The following CACNG3 variants were observed in gnomAD, a reference collection of about 807,000 sequenced individuals.
The protein encoded by CACNG3 is voltage-dependent calcium channel gamma-3 subunit.
A neutral mutation model predicts 28.5 loss-of-function variants in CACNG3; 3 were observed. That is an observed-to-expected ratio of 0.11 (90% confidence interval 0.05 to 0.27). CACNG3 has a LOEUF of 0.27. Among genes scored for constraint, CACNG3 ranks in the 10% least tolerant of loss-of-function variants. The pLI is 1.00. For synonymous variants in CACNG3, 174 were observed against 162.2 expected (o/e 1.07, Z -0.55); for missense variants, 236 against 414.4 (o/e 0.57, Z 3.74).
chr16:24,351,481 A>T (rs1428848912), intron 2 of CACNG3, among the ~76,000 whole-genome samples: 1 of 151,642 alleles, frequency 6.6e-6, no homozygotes, highest in Non-Finnish European at 1.5e-5. Context: ...CTGAGACAGG[A>T]GAATTGCTTG....
At chr16:24,351,388 A>T (rs1899936262) in intron 2 of CACNG3, among the ~76,000 whole-genome samples, 1 of 151,918 alleles carries the variant, frequency 6.6e-6, no homozygotes, top group South Asian at 2.1e-4. Flanking sequence ...CCAGACCAAT[A>T]TGGTGAAACC....
intron 1 of CACNG3, among the ~76,000 whole-genome samples, chr16:24,270,505 G>A (rs1007112801): frequency 6.6e-6 from 1 of 152,228 alleles, no homozygotes; most frequent in Non-Finnish European, 1.5e-5. Flanking sequence ...TGAGCCAGAG[G>A]TCTGCTGCGC....
In CACNG3 at chr16:24,346,736, G is replaced by A; in HGVS notation, c.214G>A (p.Ala72Thr). 1 of 1,613,588 alleles carries A rather than the reference G, an allele frequency of 6.2e-7. No homozygotes were observed. The highest frequency in any genetic ancestry group is 8.5e-7 in the Non-Finnish European group (1 of 1,179,498). Reference sequence around the variant, plus strand: ...AGAACCCTTATCTGTTTCCACAGGGGCTTTCCGAGGCGTGTGCAAGAAAAT... The same window carrying A: ...AGAACCCTTATCTGTTTCCACAGGGACTTTCCGAGGCGTGTGCAAGAAAAT... ...GLWRTCCLEG[A>T]FRGVCKKIDH... Residue 72 changes from alanine to threonine, a missense_variant and splice_region_variant, in exon 2 of 4, where the codon GCT (alanine) becomes ACT (threonine). By Grantham distance (58) the Ala-to-Thr change is moderately conservative (BLOSUM62 0). Coordinates refer to ENST00000005284, the MANE Select transcript of CACNG3 (RefSeq NM_006539.4).
rs182088064 is a variant in CACNG3, at chr16:24,303,416, C to A, written c.212-43318C>A. 5.0e-4 allele frequency among the ~76,000 whole-genome samples: 75 copies of A among 151,280 alleles called. 1 individual carries two copies. The highest frequency in any genetic ancestry group is 1.0e-3 in the Non-Finnish European group (71 of 67,830). On this transcript the variant is annotated intron_variant, in intron 1 of 3. Coordinates refer to ENST00000005284, the MANE Select transcript of CACNG3 (RefSeq NM_006539.4). ...TGTTGCCTAGGCTGGTCTTGAACTCCCGGACTCACGTGATCCTCCTGCCTC... is the reference window on the plus strand; with the variant it reads ...TGTTGCCTAGGCTGGTCTTGAACTCACGGACTCACGTGATCCTCCTGCCTC...
chr16:24,295,760 G>A (rs1192894166), intron 1 of CACNG3, among the ~76,000 whole-genome samples: 6 of 152,132 alleles, frequency 3.9e-5, no homozygotes, highest in Non-Finnish European at 8.8e-5. Flanking sequence ...GAGGTGGCAG[G>A]ATTGCTTGGG....
chr16:24,345,451 A>T (rs900814052), intron 1 of CACNG3, among the ~76,000 whole-genome samples: 3 of 152,230 alleles, frequency 2.0e-5, no homozygotes, highest in African/African-American at 7.2e-5. Context: ...CTGTAATCCC[A>T]GCACATTGGG....
At chr16:24,282,522 A>T (rs1004879845) in intron 1 of CACNG3, among the ~76,000 whole-genome samples, 6 of 151,678 alleles carry the variant, frequency 4.0e-5, no homozygotes, top group African/African-American at 1.2e-4. Flanking sequence ...TGATCCGCCC[A>T]CCTCAACCTC....
chr16:24,294,123 C>A (rs1245274482), intron 1 of CACNG3, among the ~76,000 whole-genome samples: 1 of 152,188 alleles, frequency 6.6e-6, no homozygotes, highest in African/African-American at 2.4e-5. Context: ...TGCACCTGAT[C>A]GTAGGTGCAG....
At chr16:24,328,606 A>G (rs927996666) in intron 1 of CACNG3, among the ~76,000 whole-genome samples, 1 of 150,270 alleles carries the variant, frequency 6.7e-6, no homozygotes, top group Non-Finnish European at 1.5e-5. Context: ...GGCAATAAAT[A>G]TAAACAAGAT....
At chr16:24,356,904 C>A (rs1363128522) in intron 3 of CACNG3, among the ~76,000 whole-genome samples, 1 of 152,064 alleles carries the variant, frequency 6.6e-6, no homozygotes, top group African/African-American at 2.4e-5. Context: ...GGAGCAAAGT[C>A]ATGTCTTAAC....
chr16:24,329,828 A>G (rs550997572), intron 1 of CACNG3, among the ~76,000 whole-genome samples: 2 of 152,310 alleles, frequency 1.3e-5, no homozygotes, highest in East Asian at 3.9e-4. Flanking sequence ...TGAGGTCAGG[A>G]GTTTGAGACC....
intron 3 of CACNG3, among the ~76,000 whole-genome samples, chr16:24,360,274 G>A (rs1838577531): frequency 6.6e-6 from 1 of 152,150 alleles, no homozygotes; most frequent in South Asian, 2.1e-4. Flanking sequence ...CCCCTTCGGA[G>A]TAAGAACATG....
At chr16:24,323,988 G>A (rs1035950973) in intron 1 of CACNG3, among the ~76,000 whole-genome samples, 1 of 152,226 alleles carries the variant, frequency 6.6e-6, no homozygotes, top group East Asian at 1.9e-4. Context: ...GGCTGGTCTC[G>A]AATTCCTGAC....
chr16:24,294,528 G>A (rs1025459119), intron 1 of CACNG3, among the ~76,000 whole-genome samples: 16 of 152,120 alleles, frequency 1.1e-4, no homozygotes, highest in African/African-American at 3.1e-4. Flanking sequence ...AAGTCTAGGT[G>A]GATGATGATG....
At chr16:24,314,323 T>G (rs1899316818) in intron 1 of CACNG3, among the ~76,000 whole-genome samples, 1 of 152,156 alleles carries the variant, frequency 6.6e-6, no homozygotes, top group Non-Finnish European at 1.5e-5. Flanking sequence ...CTTCTCAGTG[T>G]GGGACCTCGC....
chr16:24,341,348 T>G (rs141772112), intron 1 of CACNG3, among the ~76,000 whole-genome samples: 1 of 152,102 alleles, frequency 6.6e-6, no homozygotes, highest in East Asian at 1.9e-4. Flanking sequence ...AATTCTTGAT[T>G]CCTTTTCCTT....
In CACNG3 at chr16:24,294,965, G is replaced by A. The variant is rs1024800253; in HGVS notation, c.211+38000G>A. ...ATAGTGAGTATTCACTAGATGTCAAGCACTGCAGATAGAGTGGTGTAAGGT... is the reference window on the plus strand; with the variant it reads ...ATAGTGAGTATTCACTAGATGTCAAACACTGCAGATAGAGTGGTGTAAGGT... On this transcript the variant is annotated intron_variant, in intron 1 of 3. Transcript: ENST00000005284. Among the ~76,000 whole-genome samples the A allele has an allele frequency of 7.2e-5, 11 of 152,298 alleles. 1 individual carries two copies. The highest frequency in any genetic ancestry group is 3.9e-4 in the Admixed American group (6 of 15,296).
intron 1 of CACNG3, among the ~76,000 whole-genome samples, chr16:24,343,632 G>C (rs2141378697): frequency 6.6e-6 from 1 of 152,316 alleles, no homozygotes; most frequent in East Asian, 1.9e-4. Flanking sequence ...AAAGAACTTA[G>C]TTCACAATAC....
intron 1 of CACNG3, among the ~76,000 whole-genome samples, chr16:24,297,620 C>A (rs1432583789): frequency 6.6e-6 from 1 of 152,196 alleles, no homozygotes. Context: ...CCTGAGCAAA[C>A]AGAGAGCTCT....
Sources: gnomAD v4.1 joint callset for allele counts (sites outside exome capture counted in the v4.1 genomes callset) on GRCh38, gnomAD v4.1.1 for gene constraint, MANE v1.5 for transcripts, NCBI Gene and HGNC (gene_info 2026-07-23, HGNC 2026-07-21) for gene names.